ACP3: variants seen among roughly 807,000 people sequenced by gnomAD.
ACP3 encodes prostatic acid phosphatase.
ACP3 carries 38 observed loss-of-function variants against 45.6 expected under a neutral mutation model. That is an observed-to-expected ratio of 0.83 (90% confidence interval 0.64 to 1.09). The LOEUF (loss-of-function observed/expected upper bound fraction) is 1.09. Ranked by LOEUF, ACP3 falls within the 50% of genes least tolerant of loss-of-function variation. ACP3 has a pLI of 0.00. For missense variants in ACP3, 466 were observed against 463.2 expected (o/e 1.01, Z -0.05); for synonymous variants, 162 against 164.7 (o/e 0.98, Z 0.13).
At chr3:132,339,652 G>T (rs186009600) in intron 5 of ACP3, among the ~76,000 whole-genome samples, 44 of 152,330 alleles carry the variant, frequency 2.9e-4, no homozygotes, top group African/African-American at 1.0e-3. Context: ...TAAGGAAAAG[G>T]TCAAGGAGCT....
At chr3:132,345,094 T>C (rs748000374) in intron 7 of ACP3, 35 bp downstream of exon 7, 2 of 1,588,670 alleles carry the variant, frequency 1.3e-6, no homozygotes, top group South Asian at 1.1e-5. Flanking sequence ...CATATTGGAT[T>C]TGTGGTTGAA....
intron 1 of ACP3, among the ~76,000 whole-genome samples, chr3:132,322,976 C>T (rs781729179): frequency 6.6e-6 from 1 of 152,176 alleles, no homozygotes; most frequent in Non-Finnish European, 1.5e-5. Context: ...ATGCCTTCTG[C>T]CATGTTATGA....
chr3:132,365,049 G>A (rs1415065229), intron 10 of ACP3, among the ~76,000 whole-genome samples: 1 of 152,132 alleles, frequency 6.6e-6, no homozygotes, highest in African/African-American at 2.4e-5. Flanking sequence ...GAAGCATCCT[G>A]GCATCATCAG....
intron 4 of ACP3, among the ~76,000 whole-genome samples, chr3:132,333,868 C>T (rs1225325635): frequency 1.3e-5 from 2 of 151,992 alleles, no homozygotes; most frequent in Non-Finnish European, 1.5e-5. Context: ...GTCAGGAGTT[C>T]GAGACCAGCC....
intron 4 of ACP3, among the ~76,000 whole-genome samples, chr3:132,332,831 G>A (rs1937425464): frequency 6.6e-6 from 1 of 152,154 alleles, no homozygotes; most frequent in African/African-American, 2.4e-5. Context: ...GTGAATCATT[G>A]TGTTACCTTT....
At chr3:132,350,906 T>C (rs547014535) in intron 8 of ACP3, among the ~76,000 whole-genome samples, 4 of 152,240 alleles carry the variant, frequency 2.6e-5, no homozygotes, top group East Asian at 3.9e-4. Context: ...GCTTTTGTGA[T>C]AGTCTAGAAA....
At chr3:132,335,751 C>T (rs1471341983) in intron 4 of ACP3, among the ~76,000 whole-genome samples, 1 of 152,056 alleles carries the variant, frequency 6.6e-6, no homozygotes, top group East Asian at 1.9e-4. Flanking sequence ...TCCGGGACAG[C>T]AAGAAGGCCC....
At chr3:132,361,751 G>A (rs945342111), downstream of ACP3, among the ~76,000 whole-genome samples, 1 of 152,098 alleles carries the variant, frequency 6.6e-6, no homozygotes, top group Non-Finnish European at 1.5e-5. Flanking sequence ...AGTCCTTTAA[G>A]TTCTACTCTC....
In ACP3 at chr3:132,365,203, C is replaced by A. The variant is rs191309898; in HGVS notation, c.1139-2501C>A. 2.6e-5 allele frequency among the ~76,000 whole-genome samples: 4 copies of A among 152,296 alleles called. No individual in the cohort carries two copies. The East Asian group carries it at 7.7e-4, about 29-fold the overall frequency. On this transcript the variant is annotated intron_variant, in intron 10 of 10. Coordinates refer to the ACP3 transcript ENST00000351273. The stretch of plus-strand genomic sequence containing the variant: ...TGAACAAAAAAGACAAAAGTTCCTG[C>A]CTTTGCAAAGCTTGTGTTCTACTAG...
Position 132,340,036 on chromosome 3 carries a change from C to G in ACP3, c.555+2482C>G, listed in dbSNP as rs60160229. On this transcript the variant is annotated intron_variant, in intron 5 of 9. Transcript: ENST00000336375. ...TGGAGATGAACACCAAATAGAAGGCCGGGCACAGTGGCTCACGCTTGTAAT... is the reference window on the plus strand; with the variant it reads ...TGGAGATGAACACCAAATAGAAGGCGGGGCACAGTGGCTCACGCTTGTAAT... Among the ~76,000 whole-genome samples, 1,212 of 152,166 alleles carry G rather than the reference C, an allele frequency of 8.0e-3. 25 individuals are homozygous for G. Among genetic ancestry groups the G allele is most frequent in the African/African-American group, 0.028 (1,154 of 41,518 alleles).
intron 1 of ACP3, among the ~76,000 whole-genome samples, chr3:132,322,770 T>C (rs566668075): frequency 6.6e-6 from 1 of 152,346 alleles, no homozygotes; most frequent in Admixed American, 6.5e-5. Context: ...TGTTGAAACT[T>C]AATCCCAATG....
At chr3:132,335,621 G>A (rs565526601) in intron 4 of ACP3, among the ~76,000 whole-genome samples, 1 of 152,314 alleles carries the variant, frequency 6.6e-6, no homozygotes, top group Non-Finnish European at 1.5e-5. Context: ...TTCCTGGAAA[G>A]AAATGAAACA....
chr3:132,351,202 A>G lies in ACP3; in HGVS notation c.864+1200A>G, dbSNP rs967422652. Among the ~76,000 whole-genome samples the G allele has an allele frequency of 2.0e-5, 3 of 152,166 alleles. No individual in the cohort carries two copies. The South Asian group carries it at 6.2e-4, about 32-fold the overall frequency. ...CAAAGAGAATAGAAGGAGGAAAGGG[A>G]AGAAGGACTGCAACTCAAAGTTGGA... is the stretch of plus-strand genomic sequence containing the variant. On this transcript the variant is annotated intron_variant, in intron 8 of 9. Coordinates refer to ENST00000336375, the MANE Select transcript of ACP3 (RefSeq NM_001099.5).
intron 4 of ACP3, among the ~76,000 whole-genome samples, chr3:132,334,823 G>A (rs901705421): frequency 1.3e-5 from 2 of 152,218 alleles, no homozygotes; most frequent in Admixed American, 6.5e-5. Context: ...AAGGAGGGCT[G>A]AATTTGAAGT....
chr3:132,359,820 T>C (rs759738662), downstream of ACP3, among the ~76,000 whole-genome samples: 2 of 152,244 alleles, frequency 1.3e-5, no homozygotes, highest in African/African-American at 4.8e-5. Flanking sequence ...GAGTGGAATG[T>C]GTCCATCAGT....
intron 1 of ACP3, among the ~76,000 whole-genome samples, chr3:132,321,483 T>C (rs954645848): frequency 2.0e-5 from 3 of 152,062 alleles, no homozygotes; most frequent in African/African-American, 7.2e-5. Context: ...GACCACAGGT[T>C]TTTCAAAGAC....
At position 132,317,662 on chromosome 3, in the gene ACP3, C is replaced by T. The variant is rs188828042; in HGVS notation, c.120+86C>T. On this transcript the variant is annotated intron_variant, in intron 1 of 9. Transcript: ENST00000336375. ...GGCAAGCGTCAGGTTTCATCTTATC[C>T]TTGGATTGTTTCCCAGAGACCAGGC... The T allele has an allele frequency of 1.9e-4, 273 of 1,424,248 alleles. 2 individuals carry two copies. In the East Asian group the frequency reaches 6.6e-3, roughly 34 times the overall value. The allele number at this position is 1,424,248 out of a possible 1,614,324, so 88.2% of individuals were successfully genotyped here.
chr3:132,323,561 A>G (rs1937242746), intron 1 of ACP3, among the ~76,000 whole-genome samples: 2 of 152,220 alleles, frequency 1.3e-5, no homozygotes, highest in Admixed American at 6.5e-5. Context: ...GTAAAGGTCA[A>G]ATTTTCAGGA....
rs1937512136 is a variant in ACP3, at chr3:132,337,544, A to G, written c.545A>G (p.His182Arg). Residue 182 changes from histidine (H) to arginine (R), a missense_variant, in exon 5 of 10, where the codon CAC (histidine) becomes CGC (arginine). Coordinates refer to ENST00000336375, the MANE Select transcript of ACP3 (RefSeq NM_001099.5). Reference protein sequence around the residue: ...LKSEEFQKRLHPYKDFIATLG... With the variant: ...LKSEEFQKRLRPYKDFIATLG... ...TCAGAGGAATTCCAGAAGAGGCTGC[A>G]CCCTTATAAGGTTAAAAGCTAGTTT... The G allele has an allele frequency of 6.2e-7, 1 of 1,606,412 alleles. No homozygotes were observed. The highest frequency in any genetic ancestry group is 1.3e-5 in the African/African-American group (1 of 74,802).
Sources: gnomAD v4.1 joint callset for allele counts (sites outside exome capture counted in the v4.1 genomes callset) on GRCh38, gnomAD v4.1.1 for gene constraint, MANE v1.5 for transcripts, NCBI Gene and HGNC (gene_info 2026-07-23, HGNC 2026-07-21) for gene names.